The following LRRC7 variants were observed in gnomAD, a reference collection of about 807,000 sequenced individuals.
The protein encoded by LRRC7 is leucine rich repeat containing 7, also known as leucine-rich repeat-containing protein 7.
Under a neutral mutation model 175.7 loss-of-function variants are expected in LRRC7, and 23 were observed. The observed-to-expected ratio is 0.13, with a 90% CI of 0.09 to 0.19. LRRC7 has a LOEUF of 0.19. Among genes scored for constraint, LRRC7 ranks in the 10% least tolerant of loss-of-function variants. The pLI, the probability that LRRC7 is intolerant of heterozygous loss-of-function variation, is 1.00. For synonymous variants in LRRC7, 685 were observed against 680.9 expected, an observed-to-expected ratio of 1.01 and a Z score of -0.09; for missense variants, 1,354 against 1,904.7, an observed-to-expected ratio of 0.71 and a Z score of 5.38.
intron 10 of LRRC7, among the ~76,000 whole-genome samples, chr1:69,993,594 T>C (rs1430549694): frequency 4.7e-5 from 7 of 147,672 alleles, no homozygotes; most frequent in Non-Finnish European, 1.0e-4. Flanking sequence ...CACATTGGTA[T>C]GTTAAAAGCT....
intron 25 of LRRC7, among the ~76,000 whole-genome samples, chr1:70,097,682 A>T (rs1223433908): frequency 1.4e-5 from 2 of 148,028 alleles, no homozygotes; most frequent in East Asian, 4.1e-4. Context: ...TCATTGTTCA[A>T]TTCCCACCTA....
At chr1:69,732,458 AAATAAAGGATCC>A (rs1354236822) in intron 2 of LRRC7, among the ~76,000 whole-genome samples, 1 of 152,098 alleles carries the variant, frequency 6.6e-6, no homozygotes, top group African/African-American at 2.4e-5. Flanking sequence ...GAAAACTTAG[AAATAAAGGATCC>A]AATAGTTTTC....
intron 7 of LRRC7, among the ~76,000 whole-genome samples, chr1:69,895,992 T>C (rs954171865): frequency 6.6e-6 from 1 of 152,220 alleles, no homozygotes; most frequent in East Asian, 1.9e-4. Flanking sequence ...AAAATTACTC[T>C]ATGGTATTAG....
chr1:69,781,541 G>C (rs926274064), intron 3 of LRRC7, among the ~76,000 whole-genome samples: 1 of 150,672 alleles, frequency 6.6e-6, no homozygotes, highest in Non-Finnish European at 1.5e-5. Context: ...AAATTAGCCA[G>C]GTGTGGTGTG....
At chr1:69,822,678 A>C (rs1679439564) in intron 4 of LRRC7, among the ~76,000 whole-genome samples, 1 of 152,172 alleles carries the variant, frequency 6.6e-6, no homozygotes. Flanking sequence ...GACAATTGTG[A>C]GTTGAAGGAG....
intron 2 of LRRC7, among the ~76,000 whole-genome samples, chr1:69,701,476 T>A (rs752472655): frequency 8.5e-5 from 13 of 152,198 alleles, no homozygotes; most frequent in Non-Finnish European, 1.8e-4. Flanking sequence ...AATTAGTGAA[T>A]AGGACAGAAG....
intron 2 of LRRC7, among the ~76,000 whole-genome samples, chr1:69,712,457 A>T (rs920279041): frequency 1.3e-5 from 2 of 152,144 alleles, no homozygotes; most frequent in Admixed American, 1.3e-4. Flanking sequence ...TAGAAAAATT[A>T]GCCAGGCTTG....
chr1:69,865,380 G>T (rs1684800792), intron 7 of LRRC7, among the ~76,000 whole-genome samples: 1 of 149,436 alleles, frequency 6.7e-6, no homozygotes, highest in South Asian at 2.1e-4. Context: ...AACTTTTGAA[G>T]TGCCAACACT....
chr1:70,012,868 G>C, intron 12 of LRRC7, 106 bp from the exon 13 acceptor site: 1 of 501,334 alleles, frequency 2.0e-6, no homozygotes. Context: ...CATGTTAAAA[G>C]TTAAAAATAA....
intron 20 of LRRC7, among the ~76,000 whole-genome samples, chr1:70,036,965 T>C (rs1310484885): frequency 1.3e-5 from 2 of 152,180 alleles, no homozygotes; most frequent in Non-Finnish European, 2.9e-5. Context: ...TAAAATAAAA[T>C]GCCAGTAAAA....
At chr1:69,712,675 A>G (rs1348799738) in intron 2 of LRRC7, among the ~76,000 whole-genome samples, 1 of 152,192 alleles carries the variant, frequency 6.6e-6, no homozygotes, top group African/African-American at 2.4e-5. Context: ...TATAACAAAA[A>G]GTTATTTTTA....
chr1:69,868,219 AT>A (rs1202731090), intron 7 of LRRC7, among the ~76,000 whole-genome samples: 3 of 152,164 alleles, frequency 2.0e-5, no homozygotes, highest in Non-Finnish European at 2.9e-5. Flanking sequence ...AAAATGCAAA[AT>A]TTTGTACAAT....
chr1:69,896,685 GC>G (rs1438421659), intron 7 of LRRC7, among the ~76,000 whole-genome samples: 1 of 151,852 alleles, frequency 6.6e-6, no homozygotes, highest in East Asian at 1.9e-4. Flanking sequence ...CTATACCATT[GC>G]CTTTATAGCC....
intron 7 of LRRC7, among the ~76,000 whole-genome samples, chr1:69,840,795 A>T (rs1437541186): frequency 6.6e-6 from 1 of 152,090 alleles, no homozygotes; most frequent in Non-Finnish European, 1.5e-5. Context: ...ATTATTTGTA[A>T]TAATAGAATA....
Position 69,831,556 on chromosome 1 carries a change from C to A in LRRC7, c.501-3224C>A, listed in dbSNP as rs926328571. Reference sequence around the variant, plus strand: ...CATACATAAAGTATTTGCTGCAGAACTCATCTTCTCTTTGTTACACATCTC... The same window carrying A: ...CATACATAAAGTATTTGCTGCAGAAATCATCTTCTCTTTGTTACACATCTC... On this transcript the variant is annotated intron_variant, in intron 5 of 26. Coordinates refer to ENST00000651989, the MANE Select transcript of LRRC7 (RefSeq NM_001370785.2). Among the ~76,000 whole-genome samples the A allele has an allele frequency of 6.6e-5, 10 of 152,142 alleles. 1 individual carries two copies. The highest frequency in any genetic ancestry group is 2.4e-4 in the African/African-American group (10 of 41,540).
chr1:70,039,086 C>G lies in LRRC7; in HGVS notation c.3262C>G (p.Pro1088Ala). Residue 1088 changes from proline to alanine, a missense_variant, in exon 21 of 27, where the codon CCC (proline) becomes GCC (alanine). Physicochemically the swap from Pro to Ala is conservative, Grantham distance 27. This residue lies in a region of LRRC7 where 1,032 missense variants were observed against 1,227.2 expected (regional missense o/e 0.84). Transcript: ENST00000651989. ...VEVKAEKRIP[P>A]PFQHNPEYVQ... is the part of the protein sequence containing the mutation. ...AGTGAAAGCCGAAAAGAGGATACCA[C>G]CCCCTTTTCAACACAATCCCGAGTA... 1 of 1,614,108 alleles carries G rather than the reference C, an allele frequency of 6.2e-7. No individual in the cohort carries two copies. Among genetic ancestry groups the G allele is most frequent in the Non-Finnish European group, 8.5e-7 (1 of 1,180,008 alleles).
intron 1 of LRRC7, among the ~76,000 whole-genome samples, chr1:69,639,068 AT>A (rs998780549): frequency 1.1e-4 from 16 of 151,686 alleles, no homozygotes; most frequent in African/African-American, 3.4e-4. Context: ...AAAATTTTCT[AT>A]TTTTTTGTCA....
chr1:69,617,507 C>CA (rs1195969250), intron 1 of LRRC7, among the ~76,000 whole-genome samples: 3 of 104,898 alleles, frequency 2.9e-5, no homozygotes, highest in Admixed American at 2.7e-4. Flanking sequence ...GATTGTGGTG[C>CA]AAAAATCTTT....
Position 69,825,783 on chromosome 1 carries a change from A to C in LRRC7, c.457A>C (p.Lys153Gln). 1.2e-6 allele frequency: 2 copies of C among 1,606,548 alleles called. No homozygotes were observed. Among genetic ancestry groups the C allele is most frequent in the Non-Finnish European group, 1.7e-6 (2 of 1,175,704 alleles). ...ATTTCCAGAAAACATAAAGTGCTGT[A>C]AGTGTTTAACAATTATTGAAGCCAG... is the stretch of plus-strand genomic sequence containing the variant. ...QEFPENIKCC[K>Q]CLTIIEASVN... Residue 153 changes from lysine to glutamine, a missense_variant, in exon 5 of 27, where the codon AAG (lysine) becomes CAG (glutamine). Physicochemically the swap from Lys to Gln is moderately conservative, Grantham distance 53. Coordinates refer to ENST00000651989, the MANE Select transcript of LRRC7 (RefSeq NM_001370785.2).
Sources: gnomAD v4.1 joint callset for allele counts (sites outside exome capture counted in the v4.1 genomes callset) on GRCh38, gnomAD v4.1.1 for gene constraint, gnomAD v4.1.1 regional missense constraint, MANE v1.5 for transcripts, NCBI Gene and HGNC (gene_info 2026-07-23, HGNC 2026-07-21) for gene names.